CDKAL1: variants seen among roughly 807,000 people sequenced by gnomAD.
CDKAL1 encodes CDKAL1 threonylcarbamoyladenosine tRNA methylthiotransferase, also known as threonylcarbamoyladenosine tRNA methylthiotransferase.
Under a neutral mutation model 68.2 loss-of-function variants are expected in CDKAL1, and 32 were observed. The observed-to-expected ratio is 0.47, with a 90% CI of 0.35 to 0.63. CDKAL1 has a LOEUF of 0.63. CDKAL1 is among the 30% of genes least tolerant of loss of function. The probability of loss-of-function intolerance (pLI) is 0.00; values close to 1 mark genes in which losing one functional copy is unlikely to be tolerated. For missense variants in CDKAL1, 606 were observed against 696.7 expected, an observed-to-expected ratio of 0.87 and a Z score of 1.47; for synonymous variants, 234 against 244.3, an observed-to-expected ratio of 0.96 and a Z score of 0.39.
intron 11 of CDKAL1, among the ~76,000 whole-genome samples, chr6:21,057,652 C>T (rs1009171978): frequency 6.2e-5 from 9 of 145,408 alleles, no homozygotes; most frequent in African/African-American, 2.1e-4. Context: ...TTGATCTGGG[C>T]ATTTAGTGCT....
intron 10 of CDKAL1, among the ~76,000 whole-genome samples, chr6:20,975,071 TATAG>T (rs1281575736): frequency 1.3e-5 from 2 of 151,702 alleles, no homozygotes; most frequent in African/African-American, 4.9e-5. Context: ...AATGCTTTAA[TATAG>T]ATATTTATCT....
intron 15 of CDKAL1, among the ~76,000 whole-genome samples, chr6:21,203,491 T>C (rs1459360950): frequency 3.3e-5 from 5 of 151,440 alleles, no homozygotes; most frequent in African/African-American, 4.9e-5. Flanking sequence ...CCACTTCAGC[T>C]TCCCAAAGTG....
At chr6:20,708,154 T>G (rs960870140) in intron 5 of CDKAL1, among the ~76,000 whole-genome samples, 3 of 152,218 alleles carry the variant, frequency 2.0e-5, no homozygotes, top group Non-Finnish European at 4.4e-5. Context: ...AACAATTCAG[T>G]GGCTACTTAA....
At position 20,603,707 on chromosome 6, in the gene CDKAL1, A is replaced by G. The variant is rs937057734; in HGVS notation, c.287-45586A>G. On this transcript the variant is annotated intron_variant, in intron 4 of 15. Coordinates refer to ENST00000274695, the MANE Select transcript of CDKAL1 (RefSeq NM_017774.3). Reference sequence around the variant, plus strand: ...TGTGCATTATATTTTGTTGCCTACTATGTCTGCAGTAGGAGATGGCCAGGG... The same window carrying G: ...TGTGCATTATATTTTGTTGCCTACTGTGTCTGCAGTAGGAGATGGCCAGGG... 6.7e-5 allele frequency among the ~76,000 whole-genome samples: 10 copies of G among 149,022 alleles called. 1 individual carries two copies. The South Asian group carries it at 1.7e-3, about 26-fold the overall frequency.
At chr6:20,686,063 A>G (rs757810637) in intron 5 of CDKAL1, among the ~76,000 whole-genome samples, 17 of 145,336 alleles carry the variant, frequency 1.2e-4, no homozygotes, top group Non-Finnish European at 2.5e-4. Flanking sequence ...AAACCTTGCT[A>G]AATAGCTTAT....
At chr6:20,975,507 C>T (rs889120406) in intron 10 of CDKAL1, among the ~76,000 whole-genome samples, 1 of 152,094 alleles carries the variant, frequency 6.6e-6, no homozygotes, top group Admixed American at 6.5e-5. Flanking sequence ...TTATATATTT[C>T]ATTCGATGTC....
rs188912603 is a variant in CDKAL1, at chr6:20,963,396, G to A, written c.909+7811G>A. Among the ~76,000 whole-genome samples, 6 of 151,762 alleles carry A rather than the reference G, an allele frequency of 4.0e-5. No homozygotes were observed. The East Asian group carries it at 1.2e-3, about 29-fold the overall frequency. On this transcript the variant is annotated intron_variant, in intron 10 of 15. Transcript: ENST00000274695. ...ACTACTTGCTTGTGCCCTTGTCCAG[G>A]CCTCAGCCCCTAATTCCAGCTCTGC...
chr6:21,087,207 A>T (rs1276460993), intron 12 of CDKAL1, among the ~76,000 whole-genome samples: 1 of 152,252 alleles, frequency 6.6e-6, no homozygotes, highest in Admixed American at 6.5e-5. Context: ...ATAGAGTAAG[A>T]TGGAAAAAAC....
At chr6:21,216,784 C>T (rs1225730546) in intron 15 of CDKAL1, among the ~76,000 whole-genome samples, 1 of 152,310 alleles carries the variant, frequency 6.6e-6, no homozygotes, top group East Asian at 1.9e-4. Context: ...ACCCTCATCT[C>T]CAGCCCAAAT....
chr6:20,848,819 C>T lies in CDKAL1; in HGVS notation c.742+2641C>T, dbSNP rs574798647. On this transcript the variant is annotated intron_variant, in intron 9 of 15. Transcript: ENST00000274695. ...TTTTTTTTTTTTTTGGTGACAGGGT[C>T]TCACACTGTATCACCCAGGCTGCAG... Among the ~76,000 whole-genome samples, 375 of 146,492 alleles carry T rather than the reference C, an allele frequency of 2.6e-3. 1 individual carries two copies. Among genetic ancestry groups the T allele is most frequent in the Non-Finnish European group, 4.1e-3 (276 of 67,180 alleles).
At chr6:20,701,520 T>C (rs1157684037) in intron 5 of CDKAL1, among the ~76,000 whole-genome samples, 1 of 152,238 alleles carries the variant, frequency 6.6e-6, no homozygotes, top group Non-Finnish European at 1.5e-5. Context: ...GTAGAGGATA[T>C]GTGCCTCAGA....
At chr6:20,687,207 G>T (rs1581384980) in intron 5 of CDKAL1, among the ~76,000 whole-genome samples, 1 of 152,074 alleles carries the variant, frequency 6.6e-6, no homozygotes, top group African/African-American at 2.4e-5. Context: ...GAGTTAGGAA[G>T]TATTTCCTCT....
At chr6:20,740,329 T>G (rs58839693) in intron 6 of CDKAL1, among the ~76,000 whole-genome samples, 10,033 of 152,138 alleles carry the variant, frequency 0.066, 415 homozygotes, top group African/African-American at 0.13. Context: ...TACTTTTTTT[T>G]GGGGGGCGTG....
At chr6:20,672,780 T>A (rs1769908825) in intron 5 of CDKAL1, among the ~76,000 whole-genome samples, 1 of 152,160 alleles carries the variant, frequency 6.6e-6, no homozygotes, top group Admixed American at 6.5e-5. Context: ...AATTAGAAAT[T>A]AATTTTTTTC....
At chr6:20,768,537 T>C (rs1433016391) in intron 7 of CDKAL1, among the ~76,000 whole-genome samples, 3 of 152,190 alleles carry the variant, frequency 2.0e-5, no homozygotes, top group Non-Finnish European at 4.4e-5. Context: ...AGAGGTACCA[T>C]GCATTTTTGT....
intron 8 of CDKAL1, among the ~76,000 whole-genome samples, chr6:20,815,018 C>T (rs1334072257): frequency 1.3e-5 from 2 of 152,218 alleles, no homozygotes; most frequent in East Asian, 3.8e-4. Flanking sequence ...TTTTCCTCCT[C>T]TCAGTTATCA....
At chr6:20,678,122 G>T (rs1378203615) in intron 5 of CDKAL1, among the ~76,000 whole-genome samples, 2 of 144,878 alleles carry the variant, frequency 1.4e-5, no homozygotes, top group Admixed American at 6.9e-5. Flanking sequence ...TTAAGTCTTT[G>T]TACTATCATT....
At chr6:20,984,689 C>A (rs537934109) in intron 10 of CDKAL1, among the ~76,000 whole-genome samples, 2 of 152,096 alleles carry the variant, frequency 1.3e-5, no homozygotes, top group African/African-American at 2.4e-5. Flanking sequence ...TCCGAAGCTA[C>A]GCCTTCAAGC....
chr6:20,843,847 G>A (rs1778270065), intron 8 of CDKAL1, among the ~76,000 whole-genome samples: 1 of 152,144 alleles, frequency 6.6e-6, no homozygotes, highest in Non-Finnish European at 1.5e-5. Context: ...CAAGAAATGA[G>A]GTAGTATTAG....
Sources: allele counts gnomAD v4.1 joint callset (sites outside exome capture counted in the v4.1 genomes callset), GRCh38; gene constraint gnomAD v4.1.1; transcripts MANE v1.5; gene names NCBI Gene and HGNC (gene_info 2026-07-23, HGNC 2026-07-21).